Variants in BCL9L observed in about 807,000 individuals in gnomAD.
The protein encoded by BCL9L is B-cell CLL/lymphoma 9-like protein.
Under a neutral mutation model 99.4 loss-of-function variants are expected in BCL9L, and 19 were observed. The ratio of observed to expected loss-of-function variants is 0.19; its 90% CI spans 0.13 to 0.28. The LOEUF (loss-of-function observed/expected upper bound fraction) is 0.28. Among genes scored for constraint, BCL9L ranks in the 10% least tolerant of loss-of-function variants. The pLI, the probability that BCL9L is intolerant of heterozygous loss-of-function variation, is 1.00. For missense variants in BCL9L, 2,023 were observed against 2,101.6 expected, an observed-to-expected ratio of 0.96 and a Z score of 0.73; for synonymous variants, 900 against 854.8, an observed-to-expected ratio of 1.05 and a Z score of -0.92.
Position 118,903,292 on chromosome 11 carries a change from G to T in BCL9L, c.693C>A (p.Val231=). The T allele has an allele frequency of 6.3e-7, 1 of 1,578,690 alleles. No individual in the cohort carries two copies. The highest frequency in any genetic ancestry group is 8.6e-7 in the Non-Finnish European group (1 of 1,164,084). The part of the protein sequence containing the change: ...APGGGGGGGG[V]PGKPPSQFVY... ...CGAACTGCGAGGGAGGCTTTCCGGG[G>T]ACGCCCCCGCCCCCGCCCCCGCCCC... The change falls in exon 6 of 10, where the codon GTC becomes GTA. Residue 231 remains valine (V), a synonymous_variant. Transcript: ENST00000683865. The surrounding 1 kb of genome is among the most constrained non-coding windows in gnomAD (Gnocchi z 5.6).
intron 2 of BCL9L, among the ~76,000 whole-genome samples, chr11:118,916,024 GC>G: frequency 6.6e-6 from 1 of 152,170 alleles, no homozygotes. Flanking sequence ...TCTGAAACCG[GC>G]CCCAGAGCCC....
Position 118,898,313 on chromosome 11 carries a change from A to ACC in BCL9L, c.*100_*101dup. ...ACACAAGCCCCCTCCCACCCCCTCCACCCCACCCCGCGACCCAGGCCATCC... is the reference window on the plus strand; with the variant it reads ...ACACAAGCCCCCTCCCACCCCCTCCACCCCCCACCCCGCGACCCAGGCCATCC... On this transcript the variant is annotated 3_prime_UTR_variant, in exon 10 of 10. Coordinates refer to ENST00000683865, the MANE Select transcript of BCL9L (RefSeq NM_001378213.1). 2 of 273,720 alleles carry ACC rather than the reference A, an allele frequency of 7.3e-6. No individual in the cohort carries two copies. Among genetic ancestry groups the ACC allele is most frequent in the Non-Finnish European group, 1.1e-5 (2 of 177,582 alleles). The allele number at this position is 273,720 out of a possible 1,614,324, so 17.0% of individuals were successfully genotyped here.
Position 118,902,676 on chromosome 11 carries a change from G to A in BCL9L, c.1067C>T (p.Pro356Leu), listed in dbSNP as rs368375563. Residue 356 changes from proline (P) to leucine (L), a missense_variant, in exon 8 of 10, where the codon CCG (proline) becomes CTG (leucine). Pro to Leu is a moderately conservative substitution (Grantham distance 98, BLOSUM62 -3). Around this residue, in one of 3 missense-constraint regions of BCL9L, gnomAD observed 1,116 missense variants for 1,194.6 expected, o/e 0.93. Coordinates refer to ENST00000683865, the MANE Select transcript of BCL9L (RefSeq NM_001378213.1). This position sits in a 1 kb window ranked among gnomAD's most constrained non-coding sequence, Gnocchi z 7.8. ...AGGGTTGTTGGCGGTGGTAGCCGTC[G>A]GGGTGTTAGGGTGGGTGCCCCCAGT... Reference protein sequence around the residue: ...GGTGGTHPNTPTATTANNPLP... With the variant: ...GGTGGTHPNTLTATTANNPLP... 2.4e-5 allele frequency: 38 copies of A among 1,599,184 alleles called. No homozygotes were observed. Among genetic ancestry groups the A allele is most frequent in the Non-Finnish European group, 3.0e-5 (35 of 1,179,772 alleles).
At chr11:118,916,927 G>A (rs1454754218) in intron 2 of BCL9L, among the ~76,000 whole-genome samples, 2 of 152,238 alleles carry the variant, frequency 1.3e-5, no homozygotes, top group Non-Finnish European at 2.9e-5. Context: ...TTGTTTGCCT[G>A]GTGAGAGCAG....
At chr11:118,923,714 C>G (rs1480904666) in intron 1 of BCL9L, among the ~76,000 whole-genome samples, 2 of 152,200 alleles carry the variant, frequency 1.3e-5, no homozygotes, top group African/African-American at 4.8e-5. Flanking sequence ...CCACCCCACT[C>G]AGGAGCAACA....
rs1388109534 is a variant in BCL9L at position 118,921,451 on chromosome 11, T to C, written c.-130-2572A>G. Among the ~76,000 whole-genome samples the C allele has an allele frequency of 6.6e-6, 1 of 151,600 alleles. No homozygotes were observed. Among genetic ancestry groups the C allele is most frequent in the Non-Finnish European group, 1.5e-5 (1 of 67,932 alleles). ...CAAAACAATCCTGGTTTCGAAATGC[T>C]GGAAATGCTGGATTCAGGGCCATTC... On this transcript the variant is annotated intron_variant, in intron 1 of 9. Transcript: ENST00000683865. This position sits in a 1 kb window ranked among gnomAD's most constrained non-coding sequence, Gnocchi z 5.4.
chr11:118,902,887 G>A lies in BCL9L; in HGVS notation c.856C>T (p.Pro286Ser), dbSNP rs751263451. 6 of 1,566,694 alleles carry A rather than the reference G, an allele frequency of 3.8e-6. No individual in the cohort carries two copies. The South Asian group carries it at 5.8e-5, about 15-fold the overall frequency. ...LDQAPKVPPTPEPLPLSTPSA... is the reference protein window; with the variant it reads ...LDQAPKVPPTSEPLPLSTPSA... ...GGCGTGCTCAGGGGTAGCGGTTCTGGGGTGGGGGGCACTTTAGGGGCCTGC... is the reference window on the plus strand; with the variant it reads ...GGCGTGCTCAGGGGTAGCGGTTCTGAGGTGGGGGGCACTTTAGGGGCCTGC... The change falls in exon 8 of 10, where the codon CCA becomes TCA. Residue 286 changes from proline to serine, a missense_variant. Physicochemically the swap from Pro to Ser is moderately conservative, Grantham distance 74 (BLOSUM62 -1). This residue lies in a region of BCL9L where 1,116 missense variants were observed against 1,194.6 expected (regional missense o/e 0.93). Coordinates refer to ENST00000683865, the MANE Select transcript of BCL9L (RefSeq NM_001378213.1). The surrounding 1 kb of genome is among the most constrained non-coding windows in gnomAD (Gnocchi z 7.8).
Position 118,898,586 on chromosome 11 carries a change from G to C in BCL9L, c.4329C>G (p.Gly1443=). Residue 1443 remains glycine (G), a synonymous_variant, in exon 10 of 10, where the codon GGC becomes GGG. Transcript: ENST00000683865. ...TGTGGGGCGGCTGGCTGTAGACCTC[G>C]CCCCCCACGCCCCGCTGCTTCATCA... ...FMLMKQRGVG[G]EVYSQPPHML... is the part of the protein sequence containing the mutation. The C allele has an allele frequency of 6.2e-7, 1 of 1,611,084 alleles. No individual in the cohort carries two copies. The highest frequency in any genetic ancestry group is 1.7e-4 in the Middle Eastern group (1 of 5,982).
intron 9 of BCL9L, 34 bp from the exon 10 acceptor site, chr11:118,899,542 G>T: frequency 6.3e-7 from 1 of 1,599,302 alleles, no homozygotes; most frequent in Non-Finnish European, 8.5e-7. Context: ...GTCAGGCACG[G>T]TGTGCCCAGC....
chr11:118,909,121 A>G (rs545300561), intron 3 of BCL9L, among the ~76,000 whole-genome samples: 1 of 152,314 alleles, frequency 6.6e-6, no homozygotes, highest in Non-Finnish European at 1.5e-5. Context: ...GTCACTGCAC[A>G]TGCCCGGGTC....
At chr11:118,923,321 ACTGTC>A (rs1348526183) in intron 1 of BCL9L, among the ~76,000 whole-genome samples, 1 of 152,116 alleles carries the variant, frequency 6.6e-6, no homozygotes, top group African/African-American at 2.4e-5. Context: ...CCCAGAGGCT[ACTGTC>A]CTGCCTGGTC....
In BCL9L at chr11:118,921,947, G is replaced by A. The variant is rs1011732482; in HGVS notation, c.-130-3068C>T. 6.6e-6 allele frequency among the ~76,000 whole-genome samples: 1 copy of A among 152,158 alleles called. No homozygotes were observed. Among genetic ancestry groups the A allele is most frequent in the Admixed American group, 6.5e-5 (1 of 15,286 alleles). ...GTCAGGGGTCTTCCACAGGTTCCAGGACCCCCCACACTCAGAGCAGGCTGT... is the reference window on the plus strand; with the variant it reads ...GTCAGGGGTCTTCCACAGGTTCCAGAACCCCCCACACTCAGAGCAGGCTGT... On this transcript the variant is annotated intron_variant, in intron 1 of 9. Transcript: ENST00000683865. The surrounding 1 kb of genome is among the most constrained non-coding windows in gnomAD (Gnocchi z 5.4).
rs956244592 is a variant in BCL9L, at chr11:118,902,329, T to C, written c.1414A>G (p.Met472Val). ...CCTAGGCTCTGTGTCTGTGAAATCA[T>C]GGACTGCAAGGGTTCCTCATATTTC... ...LKKYEEPLQS[M>V]ISQTQSLGGP... Residue 472 changes from methionine (M) to valine (V), a missense_variant, in exon 8 of 10, where the codon ATG (methionine) becomes GTG (valine). Around this residue, in one of 3 missense-constraint regions of BCL9L, gnomAD observed 1,116 missense variants for 1,194.6 expected, o/e 0.93. Coordinates refer to ENST00000683865, the MANE Select transcript of BCL9L (RefSeq NM_001378213.1). This position sits in a 1 kb window ranked among gnomAD's most constrained non-coding sequence, Gnocchi z 7.8. 3 of 1,512,914 alleles carry C rather than the reference T, an allele frequency of 2.0e-6. No individual in the cohort carries two copies. The highest frequency in any genetic ancestry group is 2.7e-6 in the Non-Finnish European group (3 of 1,127,276). 93.7% of individuals were successfully genotyped at this position (1,512,914 alleles called of 1,614,324 possible).
Position 118,903,217 on chromosome 11 carries a change from C to G in BCL9L, c.749+19G>C. The G allele has an allele frequency of 6.3e-7, 1 of 1,590,240 alleles. No individual in the cohort carries two copies. ...GGGCAGAGAGAGAGAGAGACTTGGCCTGCCCACCAGGCACTTACGTGTTGG... is the reference window on the plus strand; with the variant it reads ...GGGCAGAGAGAGAGAGAGACTTGGCGTGCCCACCAGGCACTTACGTGTTGG... On this transcript the variant is annotated intron_variant, in intron 6 of 9. Transcript: ENST00000683865. The surrounding 1 kb of genome is among the most constrained non-coding windows in gnomAD (Gnocchi z 5.6).
chr11:118,923,898 T>C (rs965781474), intron 1 of BCL9L, among the ~76,000 whole-genome samples: 1 of 152,166 alleles, frequency 6.6e-6, no homozygotes, highest in Admixed American at 6.5e-5. Context: ...CCCTGTCCTG[T>C]CCTGAGGCCT....
At chr11:118,907,736 C>A (rs1359264666) in intron 4 of BCL9L, 134 bp from the exon 5 acceptor site, 1 of 1,387,272 alleles carries the variant, frequency 7.2e-7, no homozygotes. Context: ...GTGGGCACTT[C>A]GCCAGCCCGT....
chr11:118,916,880 G>T (rs1940978520), intron 2 of BCL9L, among the ~76,000 whole-genome samples: 1 of 152,258 alleles, frequency 6.6e-6, no homozygotes, highest in South Asian at 2.1e-4. Flanking sequence ...AGGAAGGAGA[G>T]GAGGCGGCCA....
chr11:118,907,540 C>T lies in BCL9L; in HGVS notation c.475G>A (p.Glu159Lys). Reference protein sequence around the residue: ...LERKQPYSGDEWCSGPDSEED... With the variant: ...LERKQPYSGDKWCSGPDSEED... Reference sequence around the variant, plus strand: ...TCACTGTCCGGTCCAGAGCACCATTCGTCCCCACTGTACGGCTGCTTCCGC... The same window carrying T: ...TCACTGTCCGGTCCAGAGCACCATTTGTCCCCACTGTACGGCTGCTTCCGC... Residue 159 changes from glutamate to lysine, a missense_variant, in exon 5 of 10, where the codon GAA becomes AAA. Physicochemically the swap from Glu to Lys is moderately conservative, Grantham distance 56. This residue lies in a region of BCL9L where 1,116 missense variants were observed against 1,194.6 expected (regional missense o/e 0.93). Coordinates refer to ENST00000683865, the MANE Select transcript of BCL9L (RefSeq NM_001378213.1). 2 of 1,614,200 alleles carry T rather than the reference C, an allele frequency of 1.2e-6. No homozygotes were observed. Among genetic ancestry groups the T allele is most frequent in the Non-Finnish European group, 1.7e-6 (2 of 1,180,040 alleles).
intron 9 of BCL9L, 117 bp from the exon 10 acceptor site, chr11:118,899,625 C>A (rs1366665577): frequency 9.3e-6 from 12 of 1,295,246 alleles, no homozygotes; most frequent in Admixed American, 2.4e-5. Flanking sequence ...GTCTTCACCA[C>A]TGGCTTCCCC....
Sources: gnomAD v4.1 joint callset for allele counts (sites outside exome capture counted in the v4.1 genomes callset) on GRCh38, gnomAD v4.1.1 for gene constraint, gnomAD v4.1.1 regional missense constraint, Gnocchi (gnomAD v3.1) non-coding constraint, MANE v1.5 for transcripts, NCBI Gene and HGNC (gene_info 2026-07-23, HGNC 2026-07-21) for gene names.